CLHC1: variants seen among roughly 807,000 people sequenced by gnomAD.
CLHC1 encodes clathrin heavy chain linker domain containing 1.
CLHC1 carries 72 observed loss-of-function variants against 69.5 expected under a neutral mutation model. That is an observed-to-expected ratio of 1.04 (90% CI 0.86 to 1.26). The LOEUF (loss-of-function observed/expected upper bound fraction) is 1.26. Among genes scored for constraint, CLHC1 ranks in the 50% most tolerant of loss-of-function variants. The pLI is 0.00. For missense variants in CLHC1, 790 were observed against 679.3 expected (o/e 1.16, Z -1.81); for synonymous variants, 223 against 224.3 (o/e 0.99, Z 0.05).
Position 55,173,523 on chromosome 2 carries a change from G to C in CLHC1, c.*2267C>G, listed in dbSNP as rs899768544. Among the ~76,000 whole-genome samples, 1 of 152,202 alleles carries C rather than the reference G, an allele frequency of 6.6e-6. No individual in the cohort carries two copies. Among genetic ancestry groups the C allele is most frequent in the Non-Finnish European group, 1.5e-5 (1 of 68,048 alleles). On this transcript the variant is annotated 3_prime_UTR_variant, in exon 13 of 13. Coordinates refer to ENST00000401408, the MANE Select transcript of CLHC1 (RefSeq NM_152385.4). ...TGGAAATGACAAGAGGAGGTATCTA[G>C]TCAAAATAAATTTATCTTAAGCATG... is the stretch of plus-strand genomic sequence containing the variant.
intron 9 of CLHC1, among the ~76,000 whole-genome samples, chr2:55,196,215 C>T (rs932636392): frequency 4.6e-5 from 7 of 152,176 alleles, no homozygotes; most frequent in Non-Finnish European, 8.8e-5. Flanking sequence ...CCACCACAGG[C>T]TCAAGTGCTT....
chr2:55,195,033 C>T (rs1159769964), intron 9 of CLHC1, among the ~76,000 whole-genome samples: 1 of 152,112 alleles, frequency 6.6e-6, no homozygotes, highest in Non-Finnish European at 1.5e-5. Context: ...CCTCCTGCCT[C>T]AGCCACCCAA....
At chr2:55,205,400 TACACACACAC>T (rs35508061) in intron 9 of CLHC1, among the ~76,000 whole-genome samples, 1 of 147,700 alleles carries the variant, frequency 6.8e-6, no homozygotes, top group African/African-American at 2.5e-5. Flanking sequence ...ATAAAGAAAA[TACACACACAC>T]ACACACACAC....
intron 4 of CLHC1, among the ~76,000 whole-genome samples, chr2:55,213,392 A>G (rs1171426900): frequency 6.6e-6 from 1 of 152,146 alleles, no homozygotes; most frequent in African/African-American, 2.4e-5. Context: ...TTTCCCTCTT[A>G]TTAGGACATT....
Position 55,175,850 on chromosome 2 carries a change from T to C in CLHC1, c.1701A>G (p.Ala567=). 1.2e-6 allele frequency: 2 copies of C among 1,614,056 alleles called. No individual in the cohort carries two copies. The change falls in exon 13 of 13, where the codon GCA becomes GCG. Residue 567 remains alanine (A), a synonymous_variant. Coordinates refer to ENST00000401408, the MANE Select transcript of CLHC1 (RefSeq NM_152385.4). ...CATCCTCTTCAGAAATTTCTGTAACTGCAGCCTGAGATCGAAGAATAGACG... is the reference window on the plus strand; with the variant it reads ...CATCCTCTTCAGAAATTTCTGTAACCGCAGCCTGAGATCGAAGAATAGACG... ...DITSILRSQA[A]VTEISEEDDA...
chr2:55,199,419 CA>C (rs1161114757), intron 9 of CLHC1, among the ~76,000 whole-genome samples: 2 of 149,928 alleles, frequency 1.3e-5, no homozygotes, highest in Non-Finnish European at 3.0e-5. Context: ...TAAGTTCACA[CA>C]AAAAAGGCAG....
rs965847776 is a variant in CLHC1 at position 55,186,785 on chromosome 2, A to G, written c.1007-5041T>C. ...GTGAGACCCTGTCTCAAAAAAAATTATATGTTTAAAATTATTAGAAATATT... is the reference window on the plus strand; with the variant it reads ...GTGAGACCCTGTCTCAAAAAAAATTGTATGTTTAAAATTATTAGAAATATT... On this transcript the variant is annotated intron_variant, in intron 9 of 12. Coordinates refer to ENST00000401408, the MANE Select transcript of CLHC1 (RefSeq NM_152385.4). Among the ~76,000 whole-genome samples the G allele has an allele frequency of 3.9e-5, 6 of 152,214 alleles. No homozygotes were observed. The South Asian group carries it at 1.2e-3, about 32-fold the overall frequency.
chr2:55,209,857 C>T (rs997123669), intron 5 of CLHC1, 26 bp from the exon 6 acceptor site: 17 of 1,479,672 alleles, frequency 1.1e-5, no homozygotes, highest in Non-Finnish European at 1.5e-5. Context: ...ACAAATCAAA[C>T]ACGACAAGCC....
chr2:55,177,758 A>T lies in CLHC1; in HGVS notation c.1408T>A (p.Ser470Thr), dbSNP rs1356962994. ...TTDDLLQLLM[S>T]CPQVELIQCL... is the part of the protein sequence containing the mutation. ...TGAATTAATTCAACTTGGGGACATG[A>T]CATTAATAGCTGCAACAGGTCATCT... The change falls in exon 12 of 13, where the codon TCA becomes ACA. Residue 470 changes from serine (S) to threonine (T), a missense_variant. Ser to Thr is a moderately conservative substitution (Grantham distance 58, BLOSUM62 1). Coordinates refer to ENST00000401408, the MANE Select transcript of CLHC1 (RefSeq NM_152385.4). The T allele has an allele frequency of 6.2e-7, 1 of 1,610,144 alleles. No individual in the cohort carries two copies. The highest frequency in any genetic ancestry group is 8.5e-7 in the Non-Finnish European group (1 of 1,178,326).
chr2:55,221,935 C>G (rs776350122), intron 3 of CLHC1, among the ~76,000 whole-genome samples: 10 of 152,268 alleles, frequency 6.6e-5, no homozygotes, highest in Non-Finnish European at 1.3e-4. Context: ...TATGAGTGTG[C>G]CACTGCACTC....
intron 9 of CLHC1, among the ~76,000 whole-genome samples, chr2:55,197,620 A>C (rs768019684): frequency 3.3e-5 from 5 of 152,244 alleles, no homozygotes; most frequent in Admixed American, 6.5e-5. Flanking sequence ...GATCTTATCC[A>C]AAACCGCAAA....
chr2:55,185,398 T>A (rs748368754), intron 9 of CLHC1, among the ~76,000 whole-genome samples: 3 of 152,184 alleles, frequency 2.0e-5, no homozygotes, highest in Non-Finnish European at 2.9e-5. Flanking sequence ...AGCTGAGGCT[T>A]ATTCTCTGAA....
At chr2:55,184,939 C>CAG in intron 9 of CLHC1, among the ~76,000 whole-genome samples, 1 of 149,210 alleles carries the variant, frequency 6.7e-6, no homozygotes, top group Non-Finnish European at 1.5e-5. Context: ...CACACACACA[C>CAG]ACACACACAC....
chr2:55,221,269 G>C (rs1674085590), intron 3 of CLHC1, among the ~76,000 whole-genome samples: 2 of 152,172 alleles, frequency 1.3e-5, no homozygotes, highest in Admixed American at 1.3e-4. Flanking sequence ...CATCTTCCGG[G>C]GATGGGGTGG....
At chr2:55,177,494 C>T in intron 12 of CLHC1, 108 bp downstream of exon 12, 1 of 647,976 alleles carries the variant, frequency 1.5e-6, no homozygotes, top group Non-Finnish European at 2.5e-6. Flanking sequence ...TTAACTCTTG[C>T]TAAGAAGGAA....
intron 8 of CLHC1, 56 bp from the exon 9 acceptor site, chr2:55,206,432 A>C: frequency 1.0e-6 from 1 of 982,490 alleles, no homozygotes; most frequent in Admixed American, 1.8e-5. Flanking sequence ...AAGAGAAAAA[A>C]CTGATTAGAA....
In CLHC1 at chr2:55,185,314, A is replaced by C. The variant is rs558733421; in HGVS notation, c.1007-3570T>G. 2.8e-3 allele frequency among the ~76,000 whole-genome samples: 431 copies of C among 152,250 alleles called. 2 individuals carry two copies. The highest frequency in any genetic ancestry group is 0.011 in the South Asian group (51 of 4,814). ...GTAATGAGATGGGCTAAAACTAGAA[A>C]TCATGGCTGAAAGGCTATTTAAAAA... On this transcript the variant is annotated intron_variant, in intron 9 of 12. Transcript: ENST00000401408.
At chr2:55,178,997 C>T (rs1669663581) in intron 11 of CLHC1, among the ~76,000 whole-genome samples, 1 of 151,404 alleles carries the variant, frequency 6.6e-6, no homozygotes. Flanking sequence ...GCCACAATCA[C>T]AGCTCACTGC....
intron 12 of CLHC1, 45 bp from the exon 13 acceptor site, chr2:55,176,031 A>C (rs1669360218): frequency 1.4e-6 from 2 of 1,465,252 alleles, no homozygotes; most frequent in Non-Finnish European, 1.9e-6. Context: ...CTTATTTGAT[A>C]ATCTATACTT....
Sources: allele counts gnomAD v4.1 joint callset (sites outside exome capture counted in the v4.1 genomes callset), GRCh38; gene constraint gnomAD v4.1.1; transcripts MANE v1.5; gene names NCBI Gene and HGNC (gene_info 2026-07-23, HGNC 2026-07-21).